The following EPB41L4A variants were observed in gnomAD, a reference collection of about 807,000 sequenced individuals.
EPB41L4A encodes band 4.1-like protein 4A.
Under a neutral mutation model 108.6 loss-of-function variants are expected in EPB41L4A, and 100 were observed. That is an observed-to-expected ratio of 0.92 (90% CI 0.78 to 1.09). The LOEUF (loss-of-function observed/expected upper bound fraction) is 1.09. Ranked by LOEUF, EPB41L4A falls within the 50% of genes least tolerant of loss-of-function variation. EPB41L4A has a pLI of 0.00. For synonymous variants in EPB41L4A, 319 were observed against 289.0 expected (o/e 1.10, Z -1.05); for missense variants, 1,030 against 842.7 (o/e 1.22, Z -2.75).
chr5:112,340,875 A>G (rs1413746416), intron 1 of EPB41L4A, among the ~76,000 whole-genome samples: 2 of 152,226 alleles, frequency 1.3e-5, no homozygotes, highest in African/African-American at 4.8e-5. Flanking sequence ...TTCATACATA[A>G]GTATCCATTT....
chr5:112,249,610 T>C (rs1311592418), intron 9 of EPB41L4A: 1 of 152,196 alleles, frequency 6.6e-6, no homozygotes, highest in East Asian at 1.9e-4. Flanking sequence ...ATCCTGAGTT[T>C]CCACCTGGCT....
At position 112,338,007 on chromosome 5, in the gene EPB41L4A, C is replaced by T. The variant is rs148226461; in HGVS notation, c.100-30517G>A. Among the ~76,000 whole-genome samples the T allele has an allele frequency of 3.5e-4, 53 of 152,224 alleles. 1 individual carries two copies. The highest frequency in any genetic ancestry group is 8.9e-4 in the African/African-American group (37 of 41,534). On this transcript the variant is annotated intron_variant, in intron 1 of 22. Coordinates refer to ENST00000261486, the MANE Select transcript of EPB41L4A (RefSeq NM_022140.5). ...AGGGTGAGATATCTCCTAAATCGCT[C>T]GCCTTGCCTCCATCCCCTTAGGTTC...
At chr5:112,152,850 T>C (rs762772713) in intron 12 of EPB41L4A, among the ~76,000 whole-genome samples, 5 of 151,874 alleles carry the variant, frequency 3.3e-5, no homozygotes, top group Non-Finnish European at 7.4e-5. Flanking sequence ...AAAGATTACA[T>C]ATTAATGGAA....
At chr5:112,280,949 A>C (rs908450079) in intron 2 of EPB41L4A, among the ~76,000 whole-genome samples, 4 of 152,172 alleles carry the variant, frequency 2.6e-5, no homozygotes, top group African/African-American at 9.7e-5. Flanking sequence ...TGTTAGGAAG[A>C]AAGCAATCAA....
At chr5:112,327,557 A>C (rs902717601) in intron 1 of EPB41L4A, among the ~76,000 whole-genome samples, 1 of 152,068 alleles carries the variant, frequency 6.6e-6, no homozygotes, top group Non-Finnish European at 1.5e-5. Context: ...CTCTACAAAA[A>C]ATTTAAAAAT....
chr5:112,337,206 G>A (rs571087192), intron 1 of EPB41L4A, among the ~76,000 whole-genome samples: 7 of 152,202 alleles, frequency 4.6e-5, no homozygotes, highest in African/African-American at 1.7e-4. Flanking sequence ...TGTAATTAAT[G>A]AGATATCTAG....
intron 1 of EPB41L4A, among the ~76,000 whole-genome samples, chr5:112,340,048 GT>G (rs1757210321): frequency 6.6e-6 from 1 of 152,132 alleles, no homozygotes; most frequent in African/African-American, 2.4e-5. Context: ...AGGGCCCCAT[GT>G]GGTTCCCTCA....
At chr5:112,273,308 C>G (rs373356107) in intron 4 of EPB41L4A, among the ~76,000 whole-genome samples, 10 of 152,266 alleles carry the variant, frequency 6.6e-5, no homozygotes, top group African/African-American at 2.4e-4. Flanking sequence ...TTCAATACAA[C>G]TGGTTGTACT....
chr5:112,200,827 C>A (rs1383452329), intron 15 of EPB41L4A, among the ~76,000 whole-genome samples: 1 of 152,100 alleles, frequency 6.6e-6, no homozygotes, highest in Non-Finnish European at 1.5e-5. Context: ...AGGGTAGTAC[C>A]ACCCAAAAAG....
intron 12 of EPB41L4A, among the ~76,000 whole-genome samples, chr5:112,148,144 T>C (rs1759334067): frequency 6.8e-6 from 1 of 148,120 alleles, no homozygotes; most frequent in Non-Finnish European, 1.5e-5. Flanking sequence ...TATTACTATA[T>C]AATATAATAA....
At chr5:112,201,072 G>C (rs1159718991) in intron 15 of EPB41L4A, among the ~76,000 whole-genome samples, 3 of 152,200 alleles carry the variant, frequency 2.0e-5, no homozygotes, top group South Asian at 4.1e-4. Flanking sequence ...CTGAGTGCAA[G>C]GTAAATATGT....
chr5:112,312,087 G>C (rs1223822353), intron 1 of EPB41L4A, among the ~76,000 whole-genome samples: 2 of 152,158 alleles, frequency 1.3e-5, no homozygotes, highest in Non-Finnish European at 2.9e-5. Flanking sequence ...TCTGTGTCCA[G>C]CAGAAATGTT....
chr5:112,207,423 T>G (rs1762525642), intron 13 of EPB41L4A, among the ~76,000 whole-genome samples: 1 of 151,976 alleles, frequency 6.6e-6, no homozygotes, highest in African/African-American at 2.4e-5. Context: ...AACCAAAAAT[T>G]GACAAGTGAG....
At position 112,259,668 on chromosome 5, in the gene EPB41L4A, A is replaced by G. The variant is rs371061411; in HGVS notation, c.731+223T>C. Among the ~76,000 whole-genome samples the G allele has an allele frequency of 6.6e-5, 10 of 152,188 alleles. No individual in the cohort carries two copies. The East Asian group carries it at 9.6e-4, about 15-fold the overall frequency. On this transcript the variant is annotated intron_variant, in intron 8 of 22. Transcript: ENST00000261486. ...TGAAATGGGTGAGAAATCCTACTAC[A>G]CACAGCTCCCAGGGAAAAGAGAGTC... is the stretch of plus-strand genomic sequence containing the variant.
chr5:112,418,312 G>C (rs1381036124), intron 1 of EPB41L4A, among the ~76,000 whole-genome samples: 1 of 152,158 alleles, frequency 6.6e-6, no homozygotes, highest in Non-Finnish European at 1.5e-5. Flanking sequence ...GGCTCTCTAG[G>C]TTAATGTAGT....
chr5:112,412,119 C>A (rs533718841), intron 1 of EPB41L4A, among the ~76,000 whole-genome samples: 1 of 152,350 alleles, frequency 6.6e-6, no homozygotes, highest in East Asian at 1.9e-4. Flanking sequence ...CCTCTGCAGT[C>A]TCGGTCCACC....
chr5:112,311,712 T>C (rs1755063368), intron 1 of EPB41L4A, among the ~76,000 whole-genome samples: 2 of 152,208 alleles, frequency 1.3e-5, no homozygotes, highest in Admixed American at 6.5e-5. Flanking sequence ...ACTCTGTCTC[T>C]TTGATCTAAA....
intron 1 of EPB41L4A, among the ~76,000 whole-genome samples, chr5:112,387,243 T>C (rs1257898523): frequency 3.3e-5 from 5 of 152,170 alleles, no homozygotes; most frequent in Admixed American, 1.3e-4. Flanking sequence ...CCACGTCCAA[T>C]AGAGCTGCCC....
chr5:112,294,200 T>A (rs1753839706), intron 2 of EPB41L4A, among the ~76,000 whole-genome samples: 1 of 152,214 alleles, frequency 6.6e-6, no homozygotes, highest in Non-Finnish European at 1.5e-5. Flanking sequence ...TAAAGCTTTT[T>A]CTTTTTTTTT....
Sources: gnomAD v4.1 joint callset for allele counts (sites outside exome capture counted in the v4.1 genomes callset) on GRCh38, gnomAD v4.1.1 for gene constraint, MANE v1.5 for transcripts, NCBI Gene and HGNC (gene_info 2026-07-23, HGNC 2026-07-21) for gene names.